Variants in DLC1 observed in about 807,000 individuals in gnomAD.
DLC1 encodes rho GTPase-activating protein 7.
In DLC1, 54 loss-of-function variants were observed where a neutral mutation model predicts 140.3. That is an observed-to-expected ratio of 0.38 (90% CI 0.31 to 0.48). DLC1 has a LOEUF of 0.48. DLC1 is among the 20% of genes least tolerant of loss of function. The probability of loss-of-function intolerance (pLI) is 0.96; values close to 1 mark genes in which losing one functional copy is unlikely to be tolerated. For synonymous variants in DLC1, 986 were observed against 728.1 expected (o/e 1.35, Z -5.70); for missense variants, 2,536 against 1,907.0 (o/e 1.33, Z -6.14).
chr8:13,136,118 T>C (rs781485192), intron 5 of DLC1, among the ~76,000 whole-genome samples: 1 of 152,256 alleles, frequency 6.6e-6, no homozygotes, highest in Non-Finnish European at 1.5e-5. Flanking sequence ...CTTAAGAGAA[T>C]GGTGGTTGAA....
chr8:13,451,500 C>G (rs760510742), intron 2 of DLC1, among the ~76,000 whole-genome samples: 5 of 152,164 alleles, frequency 3.3e-5, no homozygotes, highest in Admixed American at 6.5e-5. Context: ...ACCATCCCCA[C>G]AGTCCCCCAC....
Position 13,579,348 on chromosome 8 carries a change from TATATATATATATA to T in DLC1, c.-126+25176_-126+25188del, listed in dbSNP as rs1804975628. On this transcript the variant is annotated intron_variant, in intron 1 of 1. Transcript: ENST00000631382. ...ATATATATATATATATATATATATA[TATATATATATATA>T]TTTTTATATAATACATATTTATATA... Among the ~76,000 whole-genome samples the T allele has an allele frequency of 9.2e-5, 5 of 54,068 alleles. 1 individual carries two copies. The highest frequency in any genetic ancestry group is 5.3e-4 in the African/African-American group (5 of 9,420). 35.5% of individuals were successfully genotyped at this position (54,068 alleles called of 152,430 possible).
intron 5 of DLC1, among the ~76,000 whole-genome samples, chr8:13,255,238 T>G (rs1563201358): frequency 6.6e-6 from 1 of 152,188 alleles, no homozygotes; most frequent in East Asian, 1.9e-4. Context: ...CCCAAAGTGC[T>G]GGGATTACAG....
chr8:13,536,256 A>C (rs1447632635), intron 1 of DLC1: 1 of 152,250 alleles, frequency 6.6e-6, no homozygotes, highest in Non-Finnish European at 1.5e-5. Context: ...TTCCACGGAG[A>C]GACAAATAAC....
At chr8:13,361,999 T>G (rs1187578763) in intron 4 of DLC1, among the ~76,000 whole-genome samples, 1 of 152,068 alleles carries the variant, frequency 6.6e-6, no homozygotes, top group Non-Finnish European at 1.5e-5. Context: ...AGAAATAAAT[T>G]CAAAAGTGGA....
At position 13,406,780 on chromosome 8, in the gene DLC1, T is replaced by C. The variant is rs1837583521; in HGVS notation, c.1024-5161A>G. On this transcript the variant is annotated intron_variant, in intron 2 of 17. Transcript: ENST00000276297. ...TAGGCAAGTGCTTCTGTGTTCTATATACCCTCTTTAAAGCAGACTAAGAAT... is the reference window on the plus strand; with the variant it reads ...TAGGCAAGTGCTTCTGTGTTCTATACACCCTCTTTAAAGCAGACTAAGAAT... Among the ~76,000 whole-genome samples, 4 of 152,202 alleles carry C rather than the reference T, an allele frequency of 2.6e-5. 1 individual carries two copies. In the South Asian group the frequency reaches 8.3e-4, roughly 32 times the overall value.
intron 1 of DLC1, chr8:13,567,313 C>T (rs371576358): frequency 1.9e-6 from 3 of 1,551,726 alleles, no homozygotes; most frequent in South Asian, 2.4e-5. Flanking sequence ...CACCAAACTT[C>T]CAACAGAAAT....
intron 1 of DLC1, chr8:13,568,110 AATAGTT>A: frequency 1.3e-6 from 1 of 786,930 alleles, no homozygotes; most frequent in Admixed American, 3.4e-5. Flanking sequence ...TTGTAGTTGG[AATAGTT>A]ATAAAAACTT....
chr8:13,436,550 G>T (rs2116898186), intron 2 of DLC1, among the ~76,000 whole-genome samples: 1 of 152,106 alleles, frequency 6.6e-6, no homozygotes, highest in South Asian at 2.1e-4. Context: ...CGGACAATTG[G>T]GCTTTACCAA....
chr8:13,318,982 G>A (rs1832975761), intron 4 of DLC1, among the ~76,000 whole-genome samples: 1 of 152,166 alleles, frequency 6.6e-6, no homozygotes, highest in Admixed American at 6.5e-5. Flanking sequence ...AAACACAATT[G>A]AGTGAGGTTA....
At chr8:13,420,375 T>G (rs1344841900) in intron 2 of DLC1, among the ~76,000 whole-genome samples, 1 of 152,076 alleles carries the variant, frequency 6.6e-6, no homozygotes, top group Non-Finnish European at 1.5e-5. Flanking sequence ...TAAGTTCAAT[T>G]ATATGAAATT....
chr8:13,170,131 TA>T (rs1825362251), intron 5 of DLC1, among the ~76,000 whole-genome samples: 2 of 152,220 alleles, frequency 1.3e-5, no homozygotes, highest in Non-Finnish European at 2.9e-5. Context: ...ATTTAGCATA[TA>T]ATTTTTTGGC....
intron 4 of DLC1, among the ~76,000 whole-genome samples, chr8:13,350,556 A>C (rs1384649921): frequency 1.3e-5 from 2 of 152,094 alleles, no homozygotes; most frequent in Non-Finnish European, 2.9e-5. Flanking sequence ...TCTCTACTAA[A>C]AATACAAAAA....
intron 5 of DLC1, among the ~76,000 whole-genome samples, chr8:13,230,329 A>G (rs1184168829): frequency 6.6e-6 from 1 of 152,202 alleles, no homozygotes; most frequent in African/African-American, 2.4e-5. Flanking sequence ...GTAAGGTCCA[A>G]CCAGATTTGC....
chr8:13,430,005 G>A (rs903634769), intron 2 of DLC1, among the ~76,000 whole-genome samples: 4 of 152,072 alleles, frequency 2.6e-5, no homozygotes, highest in Admixed American at 6.6e-5. Context: ...GATTCACCTC[G>A]AATCACCTTA....
At chr8:13,378,392 GA>G (rs1351298506) in intron 4 of DLC1, among the ~76,000 whole-genome samples, 2 of 151,692 alleles carry the variant, frequency 1.3e-5, no homozygotes, top group African/African-American at 2.4e-5. Flanking sequence ...TATAGTGTTT[GA>G]AAAGACTACA....
At chr8:13,295,942 G>GTTTTTTTTTTTTT (rs71207138) in intron 5 of DLC1, among the ~76,000 whole-genome samples, 1 of 72,874 alleles carries the variant, frequency 1.4e-5, no homozygotes, top group Non-Finnish European at 2.4e-5. Flanking sequence ...AAGATTCTTT[G>GTTTTTTTTTTTTT]TTTTTTTTTT....
intron 1 of DLC1, chr8:13,567,855 T>C (rs1273817760): frequency 1.3e-6 from 2 of 1,551,774 alleles, no homozygotes; most frequent in African/African-American, 2.7e-5. Context: ...TGCAGCGAGA[T>C]GGAAATAGTG....
intron 5 of DLC1, among the ~76,000 whole-genome samples, chr8:13,302,818 C>A (rs747844392): frequency 2.0e-5 from 3 of 151,606 alleles, no homozygotes; most frequent in Admixed American, 2.0e-4. Context: ...GCCTTCATGG[C>A]CATTCCTCTG....
Sources: gnomAD v4.1 joint callset for allele counts (sites outside exome capture counted in the v4.1 genomes callset) on GRCh38, gnomAD v4.1.1 for gene constraint, MANE v1.5 for transcripts, NCBI Gene and HGNC (gene_info 2026-07-23, HGNC 2026-07-21) for gene names.